The following SPAG16 variants were observed in gnomAD, a reference collection of about 807,000 sequenced individuals.
SPAG16 encodes the protein sperm-associated antigen 16 protein.
SPAG16 carries 86 observed loss-of-function variants against 80.4 expected under a neutral mutation model. That is an observed-to-expected ratio of 1.07 (90% CI 0.90 to 1.28). The LOEUF (loss-of-function observed/expected upper bound fraction) is 1.28. Among genes scored for constraint, SPAG16 ranks in the 50% most tolerant of loss-of-function variants. The probability of loss-of-function intolerance (pLI) is 0.00; values close to 1 mark genes in which losing one functional copy is unlikely to be tolerated. For missense variants in SPAG16, 870 were observed against 765.3 expected (o/e 1.14, Z -1.61); for synonymous variants, 294 against 265.9 (o/e 1.11, Z -1.03).
intron 15 of SPAG16, among the ~76,000 whole-genome samples, chr2:214,202,961 G>C (rs1420538551): frequency 6.6e-6 from 1 of 151,930 alleles, no homozygotes; most frequent in African/African-American, 2.4e-5. Context: ...TTCTCTTTTG[G>C]TACAAAAAAA....
chr2:213,977,333 TC>T (rs544291967), intron 12 of SPAG16, among the ~76,000 whole-genome samples: 49 of 152,120 alleles, frequency 3.2e-4, no homozygotes, highest in Admixed American at 3.2e-3. Flanking sequence ...TGGATGAGAT[TC>T]CTGGAGTGTA....
chr2:213,852,282 C>T (rs2074945498), intron 10 of SPAG16, among the ~76,000 whole-genome samples: 1 of 152,180 alleles, frequency 6.6e-6, no homozygotes, highest in South Asian at 2.1e-4. Context: ...AGTTAGTGTC[C>T]TAGTTTCTTC....
Position 213,608,515 on chromosome 2 carries a change from A to G in SPAG16, c.1070+118425A>G, listed in dbSNP as rs372242364. ...AAAGGACATGAACTCATCATTTTTT[A>G]TGGCTGCATAGTATTCCATGGTGTA... On this transcript the variant is annotated intron_variant, in intron 10 of 15. Transcript: ENST00000331683. 6.6e-5 allele frequency among the ~76,000 whole-genome samples: 10 copies of G among 152,266 alleles called. No homozygotes were observed. The South Asian group carries it at 1.2e-3, about 19-fold the overall frequency.
In SPAG16 at chr2:214,099,678, G is replaced by T. The variant is rs74642118; in HGVS notation, c.1528-8518G>T. Among the ~76,000 whole-genome samples, 90 of 152,156 alleles carry T rather than the reference G, an allele frequency of 5.9e-4. 1 individual carries two copies. The highest frequency in any genetic ancestry group is 9.9e-4 in the Non-Finnish European group (67 of 67,974). On this transcript the variant is annotated intron_variant, in intron 13 of 15. Coordinates refer to ENST00000331683, the MANE Select transcript of SPAG16 (RefSeq NM_024532.5). ...TGATTTATGGTAGTTGCCTCTGGAG[G>T]TGGCCTAAAATGGGAGACTAACTTT...
intron 15 of SPAG16, among the ~76,000 whole-genome samples, chr2:214,306,153 T>C (rs967355993): frequency 6.6e-6 from 1 of 152,150 alleles, no homozygotes; most frequent in Non-Finnish European, 1.5e-5. Context: ...GAATGGGAGT[T>C]TGTTCCTGAT....
chr2:213,306,502 C>A (rs2062946931), intron 3 of SPAG16, among the ~76,000 whole-genome samples: 2 of 147,772 alleles, frequency 1.4e-5, no homozygotes, highest in Admixed American at 1.4e-4. Context: ...GGCTCTGAGC[C>A]CAGCATAGCA....
chr2:213,786,345 C>T (rs2070343083), intron 10 of SPAG16, among the ~76,000 whole-genome samples: 1 of 152,036 alleles, frequency 6.6e-6, no homozygotes, highest in Non-Finnish European at 1.5e-5. Flanking sequence ...TGACTTTGAC[C>T]TAAAGGCTGA....
intron 9 of SPAG16, among the ~76,000 whole-genome samples, chr2:213,378,627 G>A (rs2067011954): frequency 6.6e-6 from 1 of 152,222 alleles, no homozygotes; most frequent in South Asian, 2.1e-4. Flanking sequence ...AACAAAAGAA[G>A]GAGGGAATAC....
chr2:213,494,951 T>TA (rs1247561871), intron 10 of SPAG16, among the ~76,000 whole-genome samples: 16 of 152,348 alleles, frequency 1.1e-4, no homozygotes, highest in African/African-American at 3.8e-4. Context: ...TAGCTCATTC[T>TA]AACCTCTCTT....
chr2:214,031,901 G>A (rs529999004), intron 13 of SPAG16, among the ~76,000 whole-genome samples: 1 of 152,150 alleles, frequency 6.6e-6, no homozygotes, highest in Admixed American at 6.5e-5. Context: ...GAACCAAGGG[G>A]GAAATCTGCC....
At chr2:213,776,826 A>ACCCCCCC (rs140864608) in intron 10 of SPAG16, among the ~76,000 whole-genome samples, 10 of 107,546 alleles carry the variant, frequency 9.3e-5, no homozygotes, top group Admixed American at 3.1e-4. Context: ...GTTCTATGCC[A>ACCCCCCC]CCCCCCCCCC....
At chr2:214,106,270 A>G (rs759770683) in intron 13 of SPAG16, among the ~76,000 whole-genome samples, 11 of 152,296 alleles carry the variant, frequency 7.2e-5, no homozygotes, top group East Asian at 1.9e-4. Flanking sequence ...ATAAAAAACT[A>G]TGACATCTTA....
chr2:214,125,643 A>T (rs1175375568), intron 14 of SPAG16, among the ~76,000 whole-genome samples: 1 of 151,818 alleles, frequency 6.6e-6, no homozygotes, highest in African/African-American at 2.4e-5. Context: ...ATCTGTTTTT[A>T]TAAATCAAAT....
At chr2:213,727,967 G>C (rs1322088303) in intron 10 of SPAG16, among the ~76,000 whole-genome samples, 1 of 151,920 alleles carries the variant, frequency 6.6e-6, no homozygotes, top group Non-Finnish European at 1.5e-5. Flanking sequence ...TTCTTCTTCA[G>C]CCTCCTGAGT....
intron 14 of SPAG16, among the ~76,000 whole-genome samples, chr2:214,111,545 A>T (rs1011486473): frequency 6.6e-6 from 1 of 152,152 alleles, no homozygotes; most frequent in African/African-American, 2.4e-5. Flanking sequence ...CTTGTAGTAT[A>T]GTTTGAAGTC....
chr2:214,379,268 G>A (rs1700312841), intron 15 of SPAG16, among the ~76,000 whole-genome samples: 1 of 152,178 alleles, frequency 6.6e-6, no homozygotes, highest in Non-Finnish European at 1.5e-5. Flanking sequence ...GTAACAGGAA[G>A]AAAAAGAGAC....
intron 10 of SPAG16, among the ~76,000 whole-genome samples, chr2:213,594,232 A>C (rs2124938872): frequency 6.6e-6 from 1 of 151,922 alleles, no homozygotes; most frequent in South Asian, 2.1e-4. Flanking sequence ...CTTGTCTTCA[A>C]CTCTTCGCTT....
At chr2:213,742,445 A>C (rs2067597608) in intron 10 of SPAG16, among the ~76,000 whole-genome samples, 1 of 152,014 alleles carries the variant, frequency 6.6e-6, no homozygotes, top group South Asian at 2.1e-4. Context: ...CTAGTTTATA[A>C]ATTTACTCAC....
intron 10 of SPAG16, among the ~76,000 whole-genome samples, chr2:213,733,193 G>A (rs1371969798): frequency 2.0e-5 from 3 of 148,758 alleles, no homozygotes; most frequent in Non-Finnish European, 4.4e-5. Context: ...AAGGGTTCAT[G>A]TCCTTCACCT....
Sources: allele counts gnomAD v4.1 joint callset (sites outside exome capture counted in the v4.1 genomes callset), GRCh38; gene constraint gnomAD v4.1.1; transcripts MANE v1.5; gene names NCBI Gene and HGNC (gene_info 2026-07-23, HGNC 2026-07-21).